Variants in RSPO2 observed in about 807,000 individuals in gnomAD.
RSPO2 encodes R-spondin-2.
RSPO2 carries 14 observed loss-of-function variants against 30.9 expected under a neutral mutation model. The ratio of observed to expected loss-of-function variants is 0.45; its 90% CI spans 0.30 to 0.71. RSPO2 has a LOEUF of 0.71. RSPO2 is among the 30% of genes least tolerant of loss of function. The probability of loss-of-function intolerance (pLI) is 0.08; values close to 1 mark genes in which losing one functional copy is unlikely to be tolerated. For missense variants in RSPO2, 264 were observed against 301.9 expected, an observed-to-expected ratio of 0.87 and a Z score of 0.93; for synonymous variants, 107 against 96.4, an observed-to-expected ratio of 1.11 and a Z score of -0.64.
chr8:108,018,576 C>T (rs1025176775), intron 2 of RSPO2, among the ~76,000 whole-genome samples: 20 of 152,126 alleles, frequency 1.3e-4, no homozygotes, highest in Admixed American at 1.2e-3. Context: ...AGAAAAAATA[C>T]AGACATTATC....
intron 5 of RSPO2, among the ~76,000 whole-genome samples, chr8:107,922,689 C>T (rs1812214908): frequency 6.6e-6 from 1 of 152,108 alleles, no homozygotes; most frequent in Non-Finnish European, 1.5e-5. Context: ...TACCTGACTT[C>T]AAACTACATA....
intron 2 of RSPO2, among the ~76,000 whole-genome samples, chr8:108,069,594 T>G (rs1812778901): frequency 6.6e-6 from 1 of 152,196 alleles, no homozygotes. Flanking sequence ...TCCTAGCCAT[T>G]GAGATCTTTT....
chr8:108,082,125 GGGGAAGATAAAACAAATGAGCTACA>G (rs1439667091), intron 2 of RSPO2, among the ~76,000 whole-genome samples: 1 of 152,108 alleles, frequency 6.6e-6, no homozygotes, highest in Non-Finnish European at 1.5e-5. Flanking sequence ...GCACGTGGAT[GGGGAAGATAAAACAAATGAGCTACA>G]GGGAAGATGG....
At chr8:108,061,296 T>A (rs1468509107) in intron 2 of RSPO2, among the ~76,000 whole-genome samples, 1 of 151,750 alleles carries the variant, frequency 6.6e-6, no homozygotes, top group East Asian at 1.9e-4. Flanking sequence ...ACCCATCTCA[T>A]GTGCAGAGAC....
At chr8:107,991,144 G>A (rs1018617326) in intron 2 of RSPO2, among the ~76,000 whole-genome samples, 3 of 151,280 alleles carry the variant, frequency 2.0e-5, no homozygotes, top group Non-Finnish European at 2.9e-5. Flanking sequence ...CTACTTGGGA[G>A]TCTAAGCCAG....
chr8:108,082,720 T>C lies in RSPO2; in HGVS notation c.-82A>G, dbSNP rs2130744114. 1.7e-6 allele frequency: 2 copies of C among 1,203,036 alleles called. No individual in the cohort carries two copies. The highest frequency in any genetic ancestry group is 4.7e-5 in the East Asian group (2 of 42,344). 74.5% of individuals were successfully genotyped at this position (1,203,036 alleles called of 1,614,324 possible). On this transcript the variant is annotated 5_prime_UTR_variant, in exon 2 of 6. Transcript: ENST00000276659. Reference sequence around the variant, plus strand: ...CCCAAAGAGCCGGCGCCGGCCGCGCTGCTGGGGAGGACTCAGAGGGAGACT... The same window carrying C: ...CCCAAAGAGCCGGCGCCGGCCGCGCCGCTGGGGAGGACTCAGAGGGAGACT...
At chr8:108,029,838 A>C (rs1016781150) in intron 2 of RSPO2, among the ~76,000 whole-genome samples, 3 of 152,192 alleles carry the variant, frequency 2.0e-5, no homozygotes, top group African/African-American at 4.8e-5. Flanking sequence ...TGACTGAGAC[A>C]TTGCAATAAT....
At chr8:107,959,919 G>T (rs1351775180) in intron 4 of RSPO2, among the ~76,000 whole-genome samples, 2 of 152,108 alleles carry the variant, frequency 1.3e-5, no homozygotes, top group African/African-American at 2.4e-5. Context: ...TTTAAGGGAA[G>T]TAAAGTCTAA....
intron 2 of RSPO2, among the ~76,000 whole-genome samples, chr8:108,068,833 C>G (rs748989799): frequency 1.5e-4 from 23 of 152,180 alleles, no homozygotes; most frequent in Non-Finnish European, 2.5e-4. Context: ...CCTAGAGTCT[C>G]AGAGAGAGCA....
chr8:107,965,094 A>G lies in RSPO2; in HGVS notation c.284-4277T>C, dbSNP rs866692359. 3.3e-5 allele frequency among the ~76,000 whole-genome samples: 5 copies of G among 152,298 alleles called. No homozygotes were observed. The South Asian group carries it at 1.0e-3, about 32-fold the overall frequency. On this transcript the variant is annotated intron_variant, in intron 3 of 5. Coordinates refer to ENST00000276659, the MANE Select transcript of RSPO2 (RefSeq NM_178565.5). ...GAAAACTGTATGCTACATAATAGGT[A>G]TATTAAAATTTACTAAACATAGGAC... is the stretch of plus-strand genomic sequence containing the variant.
rs1246080650 is a variant in RSPO2 at position 108,069,441 on chromosome 8, T to A, written c.94+13104A>T. ...GTTGGCCAGGATGGTCGCAATCTCT[T>A]GACTTTGTGATCTGCCCGCCTCGGC... On this transcript the variant is annotated intron_variant, in intron 2 of 5. Transcript: ENST00000276659. Among the ~76,000 whole-genome samples the A allele has an allele frequency of 3.9e-5, 6 of 152,244 alleles. No individual in the cohort carries two copies. The East Asian group carries it at 1.2e-3, about 29-fold the overall frequency.
At chr8:107,976,504 C>A (rs1814215427) in intron 3 of RSPO2, among the ~76,000 whole-genome samples, 1 of 152,148 alleles carries the variant, frequency 6.6e-6, no homozygotes. Flanking sequence ...TTAGAATGGC[C>A]ATTTCTATCT....
At chr8:107,921,680 G>A (rs1169213519) in intron 5 of RSPO2, among the ~76,000 whole-genome samples, 1 of 152,024 alleles carries the variant, frequency 6.6e-6, no homozygotes. Context: ...CAATATCCTT[G>A]AGGAACATTG....
intron 3 of RSPO2, among the ~76,000 whole-genome samples, chr8:107,986,328 C>T (rs1006432667): frequency 6.6e-5 from 10 of 152,098 alleles, no homozygotes; most frequent in African/African-American, 2.4e-4. Flanking sequence ...CTGCTTGTAC[C>T]AGGTAATGAT....
At chr8:107,990,576 C>A (rs990317100) in intron 2 of RSPO2, among the ~76,000 whole-genome samples, 2 of 152,092 alleles carry the variant, frequency 1.3e-5, no homozygotes, top group African/African-American at 2.4e-5. Context: ...AATGGAAAAA[C>A]CTTCCATGCT....
chr8:107,900,403 T>A lies in RSPO2; in HGVS notation c.*672A>T, dbSNP rs1219205703. Reference sequence around the variant, plus strand: ...CAATTCCCCAAACTAGAAAAGTCATTTATCAGACAATGGGTTAGGAACCAC... The same window carrying A: ...CAATTCCCCAAACTAGAAAAGTCATATATCAGACAATGGGTTAGGAACCAC... On this transcript the variant is annotated 3_prime_UTR_variant, in exon 6 of 6. Coordinates refer to ENST00000276659, the MANE Select transcript of RSPO2 (RefSeq NM_178565.5). The A allele has an allele frequency of 6.6e-6, 1 of 152,446 alleles. No homozygotes were observed. The highest frequency in any genetic ancestry group is 1.5e-5 in the Non-Finnish European group (1 of 68,032). 9.4% of individuals were successfully genotyped at this position (152,446 alleles called of 1,614,324 possible). A position where few individuals can be genotyped will look rare whatever the true frequency, so the allele number is the denominator to read the frequency against.
At chr8:108,078,078 G>A (rs546912362) in intron 2 of RSPO2, among the ~76,000 whole-genome samples, 86 of 152,258 alleles carry the variant, frequency 5.6e-4, no homozygotes, top group African/African-American at 1.9e-3. Flanking sequence ...TTTTGCATTA[G>A]GGAACTAGAA....
chr8:108,058,869 A>C (rs1360373067), intron 2 of RSPO2, among the ~76,000 whole-genome samples: 2 of 151,734 alleles, frequency 1.3e-5, no homozygotes, highest in African/African-American at 4.9e-5. Context: ...AAGTACTTAA[A>C]CATTAGACCT....
intron 2 of RSPO2, among the ~76,000 whole-genome samples, chr8:107,993,654 A>G (rs768019705): frequency 6.6e-5 from 10 of 152,124 alleles, no homozygotes; most frequent in Non-Finnish European, 8.8e-5. Context: ...GTAACAAATG[A>G]CCACAATTTG....
Sources: gnomAD v4.1 joint callset for allele counts (sites outside exome capture counted in the v4.1 genomes callset) on GRCh38, gnomAD v4.1.1 for gene constraint, MANE v1.5 for transcripts, NCBI Gene and HGNC (gene_info 2026-07-23, HGNC 2026-07-21) for gene names.